Variants in PIK3CA observed in about 807,000 individuals in gnomAD.
PIK3CA encodes the protein phosphatidylinositol-4,5-bisphosphate 3-kinase catalytic subunit alpha.
A neutral mutation model predicts 138.2 loss-of-function variants in PIK3CA; 27 were observed. The ratio of observed to expected loss-of-function variants is 0.20; its 90% CI spans 0.14 to 0.27. PIK3CA has a LOEUF of 0.27. Among genes scored for constraint, PIK3CA ranks in the 10% least tolerant of loss-of-function variants. PIK3CA has a pLI of 1.00. For synonymous variants in PIK3CA, 358 were observed against 413.2 expected (o/e 0.87, Z 1.62); for missense variants, 544 against 1,277.4 (o/e 0.43, Z 8.75).
intron 1 of PIK3CA, among the ~76,000 whole-genome samples, chr3:179,169,951 A>G (rs1723509594): frequency 6.6e-6 from 1 of 152,204 alleles, no homozygotes; most frequent in Non-Finnish European, 1.5e-5. Flanking sequence ...TGGAAATACA[A>G]AGGTCATTTT....
intron 1 of PIK3CA, among the ~76,000 whole-genome samples, chr3:179,193,384 A>G (rs1724185670): frequency 1.3e-5 from 2 of 152,186 alleles, no homozygotes; most frequent in Non-Finnish European, 2.9e-5. Context: ...GCTGACTAGA[A>G]GAAGGAGATG....
chr3:179,211,033 A>G (rs1233482283), intron 9 of PIK3CA, among the ~76,000 whole-genome samples: 1 of 152,238 alleles, frequency 6.6e-6, no homozygotes, highest in Admixed American at 6.5e-5. Flanking sequence ...TTTGAAAAAA[A>G]CTTGGAGATA....
chr3:179,216,307 A>C (rs1278683711), intron 9 of PIK3CA, among the ~76,000 whole-genome samples: 1 of 152,190 alleles, frequency 6.6e-6, no homozygotes, highest in Non-Finnish European at 1.5e-5. Context: ...CACCAGAATG[A>C]CTTCATCACA....
At position 179,201,609 on chromosome 3, in the gene PIK3CA, A is replaced by ATTTTTT. The variant is rs373901635; in HGVS notation, c.813+80_813+85dup. On this transcript the variant is annotated intron_variant, in intron 4 of 20. Transcript: ENST00000263967. Reference sequence around the variant, plus strand: ...AATCACATTGAGGATGAGTATCTGTATTTTTTTTTTTTTTTTGAGACGGAA... The same window carrying ATTTTTT: ...AATCACATTGAGGATGAGTATCTGTATTTTTTTTTTTTTTTTTTTTTTGAGACGGAA... The ATTTTTT allele has an allele frequency of 0.049, 36,654 of 754,004 alleles. 1,032 individuals carry two copies. Among genetic ancestry groups the ATTTTTT allele is most frequent in the African/African-American group, 0.15 (7,129 of 46,894 alleles). 46.7% of individuals were successfully genotyped at this position (754,004 alleles called of 1,614,324 possible). A position where few individuals can be genotyped will look rare whatever the true frequency, so the allele number is the denominator to read the frequency against.
intron 1 of PIK3CA, among the ~76,000 whole-genome samples, chr3:179,195,784 C>G (rs1003358070): frequency 6.6e-6 from 1 of 152,136 alleles, no homozygotes. Flanking sequence ...ATATCTACCT[C>G]AAAAGTGTTA....
At chr3:179,156,693 T>C (rs567425252) in intron 1 of PIK3CA, among the ~76,000 whole-genome samples, 1 of 152,338 alleles carries the variant, frequency 6.6e-6, no homozygotes, top group South Asian at 2.1e-4. Context: ...CTTTTGAATA[T>C]TTTTTAACCA....
rs543017391 is a variant in PIK3CA, at chr3:179,238,563, A to G, written c.*4199A>G. The stretch of plus-strand genomic sequence containing the variant: ...GAAACTGTGCAGATCACTGAATTTT[A>G]GATTTATAAAGTCAGAGTTGGCATG... On this transcript the variant is annotated 3_prime_UTR_variant, in exon 21 of 21. Coordinates refer to ENST00000263967, the MANE Select transcript of PIK3CA (RefSeq NM_006218.4). The G allele has an allele frequency of 6.4e-5, 14 of 218,912 alleles. No individual in the cohort carries two copies. Among genetic ancestry groups the G allele is most frequent in the Admixed American group, 4.1e-4 (7 of 17,232 alleles). 13.6% of individuals were successfully genotyped at this position (218,912 alleles called of 1,614,324 possible).
At chr3:179,229,695 CAAAT>C (rs1186436230) in intron 18 of PIK3CA, among the ~76,000 whole-genome samples, 6 of 152,002 alleles carry the variant, frequency 3.9e-5, no homozygotes, top group South Asian at 4.1e-4. Flanking sequence ...CTTTTTAAAA[CAAAT>C]GAATATTGCA....
chr3:179,153,476 A>C (rs1723061448), intron 1 of PIK3CA, among the ~76,000 whole-genome samples: 1 of 152,228 alleles, frequency 6.6e-6, no homozygotes. Flanking sequence ...GGTCAAAGGT[A>C]CACAAACTTT....
At chr3:179,188,332 C>CT (rs1412333379) in intron 1 of PIK3CA, among the ~76,000 whole-genome samples, 4 of 152,168 alleles carry the variant, frequency 2.6e-5, no homozygotes, top group Non-Finnish European at 5.9e-5. Context: ...AGGAGACACT[C>CT]TAATTCTGTC....
intron 1 of PIK3CA, among the ~76,000 whole-genome samples, chr3:179,179,710 T>C (rs1268410938): frequency 6.6e-6 from 1 of 152,204 alleles, no homozygotes; most frequent in African/African-American, 2.4e-5. Flanking sequence ...ATGACATTCC[T>C]ATCCAAATAC....
At chr3:179,160,730 C>A (rs991260040) in intron 1 of PIK3CA, among the ~76,000 whole-genome samples, 1 of 152,166 alleles carries the variant, frequency 6.6e-6, no homozygotes, top group African/African-American at 2.4e-5. Flanking sequence ...CTTTGTACAA[C>A]ACACAATTTT....
At chr3:179,182,921 A>G (rs1456153823) in intron 1 of PIK3CA, among the ~76,000 whole-genome samples, 1 of 152,224 alleles carries the variant, frequency 6.6e-6, no homozygotes, top group East Asian at 1.9e-4. Flanking sequence ...ATTATCGAAA[A>G]GATGGATTTT....
intron 1 of PIK3CA, among the ~76,000 whole-genome samples, chr3:179,156,519 CAT>C (rs1723143085): frequency 6.6e-6 from 1 of 152,126 alleles, no homozygotes; most frequent in Admixed American, 6.6e-5. Context: ...ATCTTAGAAA[CAT>C]AAATCTGTAG....
At chr3:179,196,411 A>G (rs1724266517) in intron 1 of PIK3CA, among the ~76,000 whole-genome samples, 1 of 152,144 alleles carries the variant, frequency 6.6e-6, no homozygotes, top group Non-Finnish European at 1.5e-5. Context: ...AATTTAAGTC[A>G]CTTCTATAAT....
chr3:179,166,381 C>T (rs1262847294), intron 1 of PIK3CA, among the ~76,000 whole-genome samples: 25 of 152,180 alleles, frequency 1.6e-4, no homozygotes, highest in Admixed American at 1.6e-3. Context: ...CCTCCATTTT[C>T]TACCCATAAA....
chr3:179,155,202 A>G (rs1395297670), intron 1 of PIK3CA, among the ~76,000 whole-genome samples: 2 of 152,242 alleles, frequency 1.3e-5, no homozygotes, highest in Non-Finnish European at 2.9e-5. Flanking sequence ...GATTTTAGGC[A>G]TATGTTTTTG....
At position 179,234,736 on chromosome 3, in the gene PIK3CA, A is replaced by G. The variant is rs1725296214; in HGVS notation, c.*372A>G. ...AAGTGATGGTTTTTTTTGTCTTGCAAATGTTCTATGTTTTGAAATGTGGAC... is the reference window on the plus strand; with the variant it reads ...AAGTGATGGTTTTTTTTGTCTTGCAGATGTTCTATGTTTTGAAATGTGGAC... On this transcript the variant is annotated 3_prime_UTR_variant, in exon 21 of 21. Coordinates refer to ENST00000263967, the MANE Select transcript of PIK3CA (RefSeq NM_006218.4). The surrounding 1 kb of genome is among the most constrained non-coding windows in gnomAD (Gnocchi z 5.1). 4.2e-6 allele frequency: 1 copy of G among 239,358 alleles called. No individual in the cohort carries two copies. Among genetic ancestry groups the G allele is most frequent in the South Asian group, 1.8e-4 (1 of 5,622 alleles). The allele number at this position is 239,358 out of a possible 1,614,324, so 14.8% of individuals were successfully genotyped here.
chr3:179,198,972 A>G lies in PIK3CA; in HGVS notation c.147A>G (p.Leu49=), dbSNP rs1207754023. The stretch of plus-strand genomic sequence containing the variant: ...CATTAATAACCATAAAGCATGAACT[A>G]TTTAAAGAAGCAAGAAAATACCCCC... ...EATLITIKHE[L]FKEARKYPLH... is the part of the protein sequence containing the mutation. Residue 49 remains leucine (L), a synonymous_variant, in exon 2 of 21, where the codon CTA becomes CTG. Transcript: ENST00000263967. 1.2e-6 allele frequency: 2 copies of G among 1,613,476 alleles called. No homozygotes were observed. Among genetic ancestry groups the G allele is most frequent in the East Asian group, 2.2e-5 (1 of 44,866 alleles).
Sources: allele counts gnomAD v4.1 joint callset (sites outside exome capture counted in the v4.1 genomes callset), GRCh38; gene constraint gnomAD v4.1.1; non-coding constraint Gnocchi (gnomAD v3.1); transcripts MANE v1.5; gene names NCBI Gene and HGNC (gene_info 2026-07-23, HGNC 2026-07-21).